GABBR2: variants seen among roughly 807,000 people sequenced by gnomAD.
GABBR2 encodes the protein gamma-aminobutyric acid type B receptor subunit 2, also known as G-protein coupled receptor 51.
Under a neutral mutation model 105.6 loss-of-function variants are expected in GABBR2, and 23 were observed. That is an observed-to-expected ratio of 0.22 (90% confidence interval 0.16 to 0.31). The LOEUF is 0.31. GABBR2 is among the 10% of genes least tolerant of loss of function. The pLI, the probability that GABBR2 is intolerant of heterozygous loss-of-function variation, is 1.00. For missense variants in GABBR2, 734 were observed against 1,245.5 expected (o/e 0.59, Z 6.18); for synonymous variants, 478 against 499.7 (o/e 0.96, Z 0.58).
At chr9:98,469,861 A>G (rs937293523) in intron 6 of GABBR2, among the ~76,000 whole-genome samples, 4 of 152,178 alleles carry the variant, frequency 2.6e-5, no homozygotes, top group African/African-American at 9.7e-5. Flanking sequence ...TTTCATGGAC[A>G]TCGATGGATC....
intron 1 of GABBR2, among the ~76,000 whole-genome samples, chr9:98,612,048 G>A (rs930741574): frequency 6.6e-6 from 1 of 152,262 alleles, no homozygotes; most frequent in Admixed American, 6.5e-5. Context: ...GAAGAGAGAA[G>A]GGACCACCTG....
intron 6 of GABBR2, among the ~76,000 whole-genome samples, chr9:98,457,777 G>A (rs1400981851): frequency 6.6e-6 from 1 of 152,186 alleles, no homozygotes; most frequent in Non-Finnish European, 1.5e-5. Flanking sequence ...GGCGATGCCA[G>A]CACCAACTCC....
chr9:98,502,211 G>A (rs1032153292), intron 3 of GABBR2, among the ~76,000 whole-genome samples: 1 of 152,156 alleles, frequency 6.6e-6, no homozygotes, highest in Non-Finnish European at 1.5e-5. Flanking sequence ...AGGGAGTGCA[G>A]GTAAACGGAT....
intron 1 of GABBR2, among the ~76,000 whole-genome samples, chr9:98,632,146 T>C (rs531258672): frequency 6.5e-4 from 99 of 152,318 alleles, no homozygotes; most frequent in Non-Finnish European, 1.3e-3. Flanking sequence ...GGGTATCATT[T>C]ATCCTTGTCT....
At chr9:98,495,227 T>C (rs1187114238) in intron 4 of GABBR2, among the ~76,000 whole-genome samples, 1 of 152,180 alleles carries the variant, frequency 6.6e-6, no homozygotes, top group Non-Finnish European at 1.5e-5. Context: ...AGACAACTGA[T>C]ATGTTGCTTC....
chr9:98,448,423 ATTAAT>A (rs1418490222), intron 7 of GABBR2, among the ~76,000 whole-genome samples: 1 of 152,136 alleles, frequency 6.6e-6, no homozygotes, highest in Non-Finnish European at 1.5e-5. Flanking sequence ...ATGAGAGTCT[ATTAAT>A]TTATTTTATT....
chr9:98,641,463 C>T (rs1247357843), intron 1 of GABBR2, among the ~76,000 whole-genome samples: 5 of 152,142 alleles, frequency 3.3e-5, no homozygotes, highest in African/African-American at 1.2e-4. Flanking sequence ...TTAAAGTCCC[C>T]TCCTTCAGAT....
chr9:98,441,731 T>C (rs1826034581), intron 7 of GABBR2, among the ~76,000 whole-genome samples: 1 of 152,208 alleles, frequency 6.6e-6, no homozygotes, highest in Non-Finnish European at 1.5e-5. Flanking sequence ...AGATAAATAG[T>C]GGTGATGCTT....
At chr9:98,303,814 G>A (rs867065220) in intron 15 of GABBR2, among the ~76,000 whole-genome samples, 6 of 152,234 alleles carry the variant, frequency 3.9e-5, no homozygotes, top group African/African-American at 1.4e-4. Context: ...AGAGGAGAGC[G>A]AAGGCCTCTG....
chr9:98,658,532 T>G (rs1340088008), intron 1 of GABBR2, among the ~76,000 whole-genome samples: 1 of 152,162 alleles, frequency 6.6e-6, no homozygotes, highest in Non-Finnish European at 1.5e-5. Flanking sequence ...GACAAATGCC[T>G]GCTCCCATCC....
chr9:98,368,744 G>A (rs1222302276), intron 12 of GABBR2, among the ~76,000 whole-genome samples: 2 of 152,200 alleles, frequency 1.3e-5, no homozygotes, highest in Non-Finnish European at 2.9e-5. Context: ...GGATGGAGTT[G>A]TCATCCTGGT....
At chr9:98,370,810 G>A (rs1224249765) in intron 12 of GABBR2, among the ~76,000 whole-genome samples, 1 of 152,158 alleles carries the variant, frequency 6.6e-6, no homozygotes, top group Non-Finnish European at 1.5e-5. Context: ...TAAGAGTCAA[G>A]GTCTGGCAAC....
In GABBR2 at chr9:98,390,375, C is replaced by CAAAAAAAAAAAAAAA. The variant is rs61216428; in HGVS notation, c.1379-1386_1379-1372dup. 9.3e-4 allele frequency among the ~76,000 whole-genome samples: 30 copies of CAAAAAAAAAAAAAAA among 32,430 alleles called. 2 individuals are homozygous for CAAAAAAAAAAAAAAA. The highest frequency in any genetic ancestry group is 2.3e-3 in the African/African-American group (23 of 9,944). 21.3% of individuals were successfully genotyped at this position (32,430 alleles called of 152,430 possible). A position where few individuals can be genotyped will look rare whatever the true frequency, so the allele number is the denominator to read the frequency against. ...GGTGACAGAGCAAGACTCCATCTCA[C>CAAAAAAAAAAAAAAA]AAAAAAAAAAAAAAAAAAAAAAAAA... On this transcript the variant is annotated intron_variant, in intron 9 of 18. Coordinates refer to ENST00000259455, the MANE Select transcript of GABBR2 (RefSeq NM_005458.8).
intron 1 of GABBR2, among the ~76,000 whole-genome samples, chr9:98,582,652 T>G (rs1829017924): frequency 6.6e-6 from 1 of 152,206 alleles, no homozygotes; most frequent in African/African-American, 2.4e-5. Flanking sequence ...TTCCTTAAAG[T>G]TAATTCCATT....
intron 2 of GABBR2, among the ~76,000 whole-genome samples, chr9:98,574,050 G>A (rs920601491): frequency 1.3e-5 from 2 of 152,202 alleles, no homozygotes; most frequent in African/African-American, 2.4e-5. Context: ...ATCAGGGAAG[G>A]CATCACAGAG....
At chr9:98,654,087 A>G (rs1053410494) in intron 1 of GABBR2, among the ~76,000 whole-genome samples, 1 of 152,242 alleles carries the variant, frequency 6.6e-6, no homozygotes, top group Non-Finnish European at 1.5e-5. Flanking sequence ...CAGCCATAAC[A>G]TCGCTCTCAC....
intron 11 of GABBR2, among the ~76,000 whole-genome samples, chr9:98,382,986 G>A (rs191553306): frequency 2.1e-4 from 32 of 152,030 alleles, no homozygotes; most frequent in African/African-American, 7.5e-4. Context: ...TGTGGCCCAG[G>A]CTGGGGTGCC....
At position 98,292,821 on chromosome 9, in the gene GABBR2, CAAG is replaced by C. The variant is rs1830321867; in HGVS notation, c.2660+961_2660+963del. Among the ~76,000 whole-genome samples the C allele has an allele frequency of 3.9e-5, 6 of 152,236 alleles. No individual in the cohort carries two copies. In the South Asian group the frequency reaches 1.2e-3, roughly 32 times the overall value. On this transcript the variant is annotated intron_variant, in intron 18 of 18. Transcript: ENST00000259455. ...TTTCATTCATTCAACAAATGCTTGT[CAAG>C]AACCTATTCACTGGCAGAACCTGTG...
intron 1 of GABBR2, among the ~76,000 whole-genome samples, chr9:98,590,745 C>T (rs1218740270): frequency 6.6e-6 from 1 of 152,190 alleles, no homozygotes; most frequent in East Asian, 1.9e-4. Context: ...ATTTGTGGGG[C>T]ACATTGGTTC....
Sources: allele counts gnomAD v4.1 joint callset (sites outside exome capture counted in the v4.1 genomes callset), GRCh38; gene constraint gnomAD v4.1.1; transcripts MANE v1.5; gene names NCBI Gene and HGNC (gene_info 2026-07-23, HGNC 2026-07-21).